Variants in AP4S1 observed in about 807,000 individuals in gnomAD.
The protein encoded by AP4S1 is AP-4 complex subunit sigma-1.
Under a neutral mutation model 19.8 loss-of-function variants are expected in AP4S1, and 23 were observed. The ratio of observed to expected loss-of-function variants is 1.16; its 90% CI spans 0.84 to 1.65. The LOEUF is 1.65. AP4S1 is among the 40% of genes most tolerant of loss of function. The probability of loss-of-function intolerance (pLI) is 0.00; values close to 1 mark genes in which losing one functional copy is unlikely to be tolerated. For synonymous variants in AP4S1, 46 were observed against 54.1 expected (o/e 0.85, Z 0.66); for missense variants, 166 against 172.8 (o/e 0.96, Z 0.22).
At chr14:31,031,489 T>A (rs1229579001) in intron 1 of AP4S1, among the ~76,000 whole-genome samples, 1 of 152,254 alleles carries the variant, frequency 6.6e-6, no homozygotes, top group African/African-American at 2.4e-5. Context: ...GTCAATCATT[T>A]TTGTTAGTTG....
At chr14:31,046,822 G>T (rs1235933688) in intron 1 of AP4S1, among the ~76,000 whole-genome samples, 3 of 150,418 alleles carry the variant, frequency 2.0e-5, no homozygotes, top group Non-Finnish European at 2.9e-5. Context: ...CTCCAGCCTG[G>T]GCAACAGAGC....
At chr14:31,059,104 T>A (rs1018132859) in intron 1 of AP4S1, among the ~76,000 whole-genome samples, 1 of 152,222 alleles carries the variant, frequency 6.6e-6, no homozygotes, top group Non-Finnish European at 1.5e-5. Flanking sequence ...TTGTTTATTT[T>A]GGCATTGTAT....
chr14:31,035,670 A>T (rs1884707023), intron 1 of AP4S1, among the ~76,000 whole-genome samples: 1 of 143,716 alleles, frequency 7.0e-6, no homozygotes. Context: ...CGTTTCTATG[A>T]CCCCCCTCAT....
rs952668391 is a variant in AP4S1, at chr14:31,093,102, T to G, written c.*67T>G. 4.6e-5 allele frequency: 68 copies of G among 1,473,168 alleles called. No homozygotes were observed. In the African/African-American group the frequency reaches 8.6e-4, roughly 19 times the overall value. 91.3% of individuals were successfully genotyped at this position (1,473,168 alleles called of 1,614,324 possible). ...GAGTACCGTGGAATACATCTCAACA[T>G]GTTAACCCAGAAGAATCTGGAAGAC... On this transcript the variant is annotated 3_prime_UTR_variant, in exon 6 of 6. Coordinates refer to ENST00000542754, the MANE Select transcript of AP4S1 (RefSeq NM_001128126.3).
intron 1 of AP4S1, among the ~76,000 whole-genome samples, chr14:31,064,388 T>C (rs975594992): frequency 2.0e-5 from 3 of 151,990 alleles, no homozygotes; most frequent in African/African-American, 7.2e-5. Flanking sequence ...GTGGCACCAT[T>C]TCAGCTCACT....
intron 1 of AP4S1, among the ~76,000 whole-genome samples, chr14:31,059,662 C>T (rs997569536): frequency 6.6e-6 from 1 of 152,112 alleles, no homozygotes; most frequent in Admixed American, 6.6e-5. Flanking sequence ...GCAGTTAATA[C>T]CAAATGATTA....
chr14:31,054,342 C>T (rs1162527790), intron 1 of AP4S1, among the ~76,000 whole-genome samples: 1 of 152,128 alleles, frequency 6.6e-6, no homozygotes, highest in Non-Finnish European at 1.5e-5. Context: ...AACAAATGAC[C>T]TGGGCAACAT....
At chr14:31,067,187 G>T (rs1886763839) in intron 2 of AP4S1, among the ~76,000 whole-genome samples, 1 of 143,974 alleles carries the variant, frequency 6.9e-6, no homozygotes, top group South Asian at 2.3e-4. Context: ...CAGCCTGAGC[G>T]ACAAGAGCAA....
chr14:31,074,841 C>G (rs1025490304), intron 4 of AP4S1, among the ~76,000 whole-genome samples: 9 of 151,846 alleles, frequency 5.9e-5, no homozygotes, highest in South Asian at 2.1e-4. Context: ...TCCACCCACA[C>G]CAGGTAACCA....
intron 4 of AP4S1, among the ~76,000 whole-genome samples, chr14:31,076,841 A>G (rs1887385043): frequency 6.6e-6 from 1 of 152,236 alleles, no homozygotes; most frequent in Non-Finnish European, 1.5e-5. Context: ...TTAAAAAAGA[A>G]TCAGTAAAGA....
chr14:31,050,609 T>C lies in AP4S1; in HGVS notation c.-71-15517T>C, dbSNP rs925123429. ...ACAGGTTTGAGTATTTGGAATAATT[T>C]TAGATTTACAAAGGTTGTGAAGATA... is the stretch of plus-strand genomic sequence containing the variant. On this transcript the variant is annotated intron_variant, in intron 1 of 5. Coordinates refer to ENST00000542754, the MANE Select transcript of AP4S1 (RefSeq NM_001128126.3). Among the ~76,000 whole-genome samples, 44 of 152,190 alleles carry C rather than the reference T, an allele frequency of 2.9e-4. 1 individual carries two copies. The highest frequency in any genetic ancestry group is 2.9e-3 in the Admixed American group (44 of 15,266).
rs147135554 is a variant in AP4S1 at position 31,066,225 on chromosome 14, A to G, written c.29A>G (p.Lys10Arg). The G allele has an allele frequency of 8.2e-4, 1,320 of 1,614,064 alleles. 3 individuals carry two copies. Among genetic ancestry groups the G allele is most frequent in the Admixed American group, 2.3e-3 (137 of 60,018 alleles). Residue 10 changes from lysine (K) to arginine (R), a missense_variant, in exon 2 of 6, where the codon AAA (lysine) becomes AGA (arginine). Lys to Arg is a conservative substitution (Grantham distance 26). Coordinates refer to ENST00000542754, the MANE Select transcript of AP4S1 (RefSeq NM_001128126.3). ...ATAAAATTTTTCCTCATGGTGAATA[A>G]ACAAGGGCAGACTCGACTTTCTAAG... Reference protein sequence around the residue: MIKFFLMVNKQGQTRLSKYY... With the variant: MIKFFLMVNRQGQTRLSKYY...
At chr14:31,071,577 C>T (rs570309263) in intron 3 of AP4S1, among the ~76,000 whole-genome samples, 17 of 152,134 alleles carry the variant, frequency 1.1e-4, no homozygotes, top group Admixed American at 7.2e-4. Context: ...CCCACCATCA[C>T]GCCCAGCTAA....
intron 5 of AP4S1, among the ~76,000 whole-genome samples, chr14:31,090,771 A>T (rs1427329341): frequency 1.3e-5 from 2 of 152,264 alleles, no homozygotes; most frequent in Non-Finnish European, 2.9e-5. Context: ...CCAAATCAAG[A>T]TGTAAACAAC....
chr14:31,076,048 T>A (rs1287828945), intron 4 of AP4S1, among the ~76,000 whole-genome samples: 2 of 152,288 alleles, frequency 1.3e-5, no homozygotes, highest in South Asian at 2.1e-4. Context: ...ATATACCAAA[T>A]TTTTTTATCC....
At chr14:31,072,418 G>A (rs758525814) in intron 3 of AP4S1, among the ~76,000 whole-genome samples, 3 of 151,450 alleles carry the variant, frequency 2.0e-5, no homozygotes, top group East Asian at 3.9e-4. Flanking sequence ...TTTCCCAGGC[G>A]GGAGTACAGT....
intron 1 of AP4S1, among the ~76,000 whole-genome samples, chr14:31,045,437 TAGTG>T (rs1416815002): frequency 6.6e-6 from 1 of 152,064 alleles, no homozygotes; most frequent in Non-Finnish European, 1.5e-5. Context: ...GCGAGTGTGA[TAGTG>T]AGTGAGATGA....
At chr14:31,090,328 C>T (rs1888043892) in intron 5 of AP4S1, among the ~76,000 whole-genome samples, 1 of 152,202 alleles carries the variant, frequency 6.6e-6, no homozygotes, top group African/African-American at 2.4e-5. Context: ...TCAAGTGGCA[C>T]TAATATTCCA....
chr14:31,053,024 T>C (rs55907561), intron 1 of AP4S1, among the ~76,000 whole-genome samples: 16,344 of 139,014 alleles, frequency 0.12, 1,052 homozygotes, highest in South Asian at 0.27. Flanking sequence ...CACTGCAACC[T>C]CTGCCTCCTG....
Sources: gnomAD v4.1 joint callset for allele counts (sites outside exome capture counted in the v4.1 genomes callset) on GRCh38, gnomAD v4.1.1 for gene constraint, MANE v1.5 for transcripts, NCBI Gene and HGNC (gene_info 2026-07-23, HGNC 2026-07-21) for gene names.